Variants in SH3D19 observed in about 807,000 individuals in gnomAD.
SH3D19 encodes SH3 domain containing 19, also known as SH3 domain-containing protein 19.
In SH3D19, 58 loss-of-function variants were observed where a neutral mutation model predicts 112.1. That is an observed-to-expected ratio of 0.52 (90% CI 0.42 to 0.64). The LOEUF is 0.64. Ranked by LOEUF, SH3D19 falls within the 30% of genes least tolerant of loss-of-function variation. SH3D19 has a pLI of 0.00. For synonymous variants in SH3D19, 391 were observed against 448.5 expected (o/e 0.87, Z 1.62); for missense variants, 1,090 against 1,263.4 (o/e 0.86, Z 2.08).
In SH3D19 at chr4:151,175,441, C is replaced by A; in HGVS notation, c.763G>T (p.Ala255Ser). Residue 255 changes from alanine (A) to serine (S), a missense_variant, in exon 7 of 20, where the codon GCC becomes TCC. Transcript: ENST00000604030. ...CCTGGGGATGACTCCTCTCCTACGG[C>A]TGCTGGGCTGATTTTCTGTTGACTT... ...EQSQQKISPA[A>S]VGEESSPGRP... 1 of 1,516,460 alleles carries A rather than the reference C, an allele frequency of 6.6e-7. No individual in the cohort carries two copies. The highest frequency in any genetic ancestry group is 8.8e-7 in the Non-Finnish European group (1 of 1,136,408). The allele number at this position is 1,516,460 out of a possible 1,614,324, so 93.9% of individuals were successfully genotyped here.
At chr4:151,199,938 CT>C (rs1764151069) in intron 2 of SH3D19, among the ~76,000 whole-genome samples, 1 of 152,000 alleles carries the variant, frequency 6.6e-6, no homozygotes, top group Admixed American at 6.6e-5. Flanking sequence ...GAGATGTGAC[CT>C]TTGGGAAGTG....
intron 2 of SH3D19, among the ~76,000 whole-genome samples, chr4:151,215,949 C>T (rs1460600150): frequency 1.3e-5 from 2 of 152,076 alleles, no homozygotes; most frequent in African/African-American, 4.8e-5. Context: ...CCTCAAGCCT[C>T]CTGAGTAGCT....
intron 1 of SH3D19, chr4:151,261,579 T>G (rs1405488110): frequency 6.6e-6 from 1 of 152,286 alleles, no homozygotes; most frequent in African/African-American, 2.4e-5. Flanking sequence ...TCTAACTTCT[T>G]CGACTGACAT....
intron 1 of SH3D19, among the ~76,000 whole-genome samples, chr4:151,295,862 C>G (rs1323687077): frequency 6.6e-6 from 1 of 151,994 alleles, no homozygotes; most frequent in African/African-American, 2.4e-5. Flanking sequence ...ATGGTGAAAC[C>G]CTGTCTCTAC....
chr4:151,152,516 CT>C (rs1177292502), intron 9 of SH3D19, among the ~76,000 whole-genome samples: 145 of 127,246 alleles, frequency 1.1e-3, no homozygotes, highest in East Asian at 6.1e-3. Context: ...CTCTCTCTCT[CT>C]TTTTTTTTTT....
At chr4:151,298,666 C>T (rs1728031272) in intron 1 of SH3D19, among the ~76,000 whole-genome samples, 1 of 152,200 alleles carries the variant, frequency 6.6e-6, no homozygotes, top group South Asian at 2.1e-4. Context: ...GAATCATGGA[C>T]CCTCTTCTCC....
intron 15 of SH3D19, 118 bp from the exon 16 acceptor site, chr4:151,133,354 T>C: frequency 2.6e-6 from 2 of 780,678 alleles, no homozygotes; most frequent in Non-Finnish European, 4.1e-6. Context: ...TAAGGTATAC[T>C]AGGCTAATTT....
intron 16 of SH3D19, 27 bp downstream of exon 16, chr4:151,133,007 A>G (rs777057375): frequency 3.2e-5 from 51 of 1,578,528 alleles, no homozygotes; most frequent in Non-Finnish European, 4.2e-5. Flanking sequence ...AGGACATAAC[A>G]TAATAAAAAA....
intron 1 of SH3D19, among the ~76,000 whole-genome samples, chr4:151,233,867 G>A (rs576179280): frequency 3.2e-4 from 49 of 152,226 alleles, no homozygotes; most frequent in Non-Finnish European, 5.4e-4. Context: ...TCTAAGCAGC[G>A]TCTGATGTAG....
chr4:151,282,085 T>C (rs906981231), intron 1 of SH3D19: 1 of 1,565,430 alleles, frequency 6.4e-7, no homozygotes, highest in Admixed American at 1.7e-5. Context: ...TAGTGCTACA[T>C]ATAGGCAGCC....
At position 151,138,738 on chromosome 4, in the gene SH3D19, T is replaced by C. The variant is rs193195270; in HGVS notation, c.2297-876A>G. On this transcript the variant is annotated intron_variant, in intron 13 of 19. Transcript: ENST00000604030. ...CACACACACACACACACACACAAAT[T>C]ACTTTGATCTCATAGGTAAGTAAGC... Among the ~76,000 whole-genome samples the C allele has an allele frequency of 3.3e-3, 498 of 149,540 alleles. 4 individuals are homozygous for C. The highest frequency in any genetic ancestry group is 0.011 in the African/African-American group (468 of 40,824).
chr4:151,161,669 C>T (rs1757181297), intron 8 of SH3D19, among the ~76,000 whole-genome samples: 1 of 148,720 alleles, frequency 6.7e-6, no homozygotes, highest in Non-Finnish European at 1.5e-5. Context: ...TTCTAGGGTA[C>T]ATGTGCACAA....
At chr4:151,255,587 C>T (rs1448958454) in intron 1 of SH3D19, among the ~76,000 whole-genome samples, 1 of 150,142 alleles carries the variant, frequency 6.7e-6, no homozygotes, top group African/African-American at 2.4e-5. Flanking sequence ...AGACGATGGG[C>T]GGCCAGGCAG....
At chr4:151,257,414 A>C (rs566089095) in intron 1 of SH3D19, among the ~76,000 whole-genome samples, 1 of 152,254 alleles carries the variant, frequency 6.6e-6, no homozygotes, top group East Asian at 1.9e-4. Context: ...TAATTATAAT[A>C]ATCCCAGCCT....
chr4:151,140,559 G>A (rs1752810061), intron 12 of SH3D19: 1 of 152,170 alleles, frequency 6.6e-6, no homozygotes, highest in African/African-American at 2.4e-5. Flanking sequence ...GCTGAAGAGC[G>A]ACCTCTTCTT....
Position 151,174,711 on chromosome 4 carries a change from CCCGA to C in SH3D19, c.1489_1492del (p.Ser497GlyfsTer14). 1 of 1,514,572 alleles carries C rather than the reference CCCGA, an allele frequency of 6.6e-7. No individual in the cohort carries two copies. Among genetic ancestry groups the C allele is most frequent in the Non-Finnish European group, 8.8e-7 (1 of 1,133,342 alleles). The allele number at this position is 1,514,572 out of a possible 1,614,324, so 93.8% of individuals were successfully genotyped here. On this transcript the variant is annotated frameshift_variant, in exon 7 of 20. Coordinates refer to ENST00000604030, the MANE Select transcript of SH3D19 (RefSeq NM_001378122.1). LOFTEE classifies it high-confidence loss of function. The stretch of plus-strand genomic sequence containing the variant: ...ACCAACAGATTCTTCAGCCAGGTTC[CCCGA>C]TGGGGTGGGCAAAACATCATCATCA...
chr4:151,305,503 T>C lies in SH3D19; in HGVS notation c.112+19738A>G, dbSNP rs575468158. On this transcript the variant is annotated intron_variant, in intron 1 of 19. Transcript: ENST00000604030. The stretch of plus-strand genomic sequence containing the variant: ...ACCCAATTTTTAAATGTGCAAAGAT[T>C]TGAACATTCTTCCCCAAAGATGACA... Among the ~76,000 whole-genome samples, 82 of 152,342 alleles carry C rather than the reference T, an allele frequency of 5.4e-4. 1 individual carries two copies. The South Asian group carries it at 0.013, about 24-fold the overall frequency.
At chr4:151,157,236 A>G (rs1756284043) in intron 9 of SH3D19, among the ~76,000 whole-genome samples, 1 of 151,016 alleles carries the variant, frequency 6.6e-6, no homozygotes, top group African/African-American at 2.4e-5. Context: ...CAGGAGACAG[A>G]GTAAGACCCT....
chr4:151,158,707 T>C (rs1756610542), intron 9 of SH3D19, among the ~76,000 whole-genome samples: 1 of 151,570 alleles, frequency 6.6e-6, no homozygotes, highest in South Asian at 2.1e-4. Flanking sequence ...AATAAAAGTA[T>C]TGAGGATATT....
Sources: allele counts gnomAD v4.1 joint callset (sites outside exome capture counted in the v4.1 genomes callset), GRCh38; gene constraint gnomAD v4.1.1; transcripts MANE v1.5; gene names NCBI Gene and HGNC (gene_info 2026-07-23, HGNC 2026-07-21).